The following WDFY1 variants were observed in gnomAD, a reference collection of about 807,000 sequenced individuals.
WDFY1 encodes WD repeat and FYVE domain containing 1.
In WDFY1, 32 loss-of-function variants were observed where a neutral mutation model predicts 56.4. That is an observed-to-expected ratio of 0.57 (90% CI 0.43 to 0.76). The LOEUF (loss-of-function observed/expected upper bound fraction) is 0.76. Among genes scored for constraint, WDFY1 ranks in the 30% least tolerant of loss-of-function variants. The pLI is 0.00. For missense variants in WDFY1, 480 were observed against 545.7 expected (o/e 0.88, Z 1.20); for synonymous variants, 192 against 197.3 (o/e 0.97, Z 0.23).
intron 11 of WDFY1, among the ~76,000 whole-genome samples, chr2:223,879,216 A>C (rs922384540): frequency 8.5e-5 from 13 of 152,246 alleles, no homozygotes; most frequent in South Asian, 2.1e-4. Context: ...AAGATAAAAC[A>C]ATGTAGTTCA....
rs768175349 is a variant in WDFY1 at position 223,945,296 on chromosome 2, G to A, written c.-12C>T. 1.2e-5 allele frequency: 18 copies of A among 1,562,684 alleles called. No homozygotes were observed. Among genetic ancestry groups the A allele is most frequent in the Admixed American group, 1.8e-5 (1 of 55,648 alleles). On this transcript the variant is annotated 5_prime_UTR_variant, in exon 1 of 12. Coordinates refer to ENST00000233055, the MANE Select transcript of WDFY1 (RefSeq NM_020830.5). ...ATTTCGGCCGCCATGTTCGCGCGGC[G>A]ACTGCTGCGGCCTCCTCGGCAGGCA...
chr2:223,905,897 T>G, intron 4 of WDFY1, 50 bp downstream of exon 4: 1 of 1,284,046 alleles, frequency 7.8e-7, no homozygotes, highest in Non-Finnish European at 1.0e-6. Flanking sequence ...GTTCTAGTTT[T>G]GTGTATGTCT....
intron 1 of WDFY1, among the ~76,000 whole-genome samples, chr2:223,926,647 TGTGC>T (rs758262275): frequency 0.014 from 770 of 55,274 alleles, 2 homozygotes; most frequent in South Asian, 0.035. Flanking sequence ...TATACAAATA[TGTGC>T]GTGTGTGTGT....
chr2:223,916,946 C>T (rs1396857478), intron 2 of WDFY1, among the ~76,000 whole-genome samples: 2 of 151,888 alleles, frequency 1.3e-5, no homozygotes, highest in South Asian at 2.1e-4. Context: ...TCTTGAGTAG[C>T]TGGGATTACA....
intron 1 of WDFY1, among the ~76,000 whole-genome samples, chr2:223,939,216 G>A (rs1689256448): frequency 6.6e-6 from 1 of 152,164 alleles, no homozygotes; most frequent in Admixed American, 6.5e-5. Flanking sequence ...AACTCTGGGG[G>A]TGGGGTCCAG....
chr2:223,935,926 G>A (rs900504024), intron 1 of WDFY1, among the ~76,000 whole-genome samples: 12 of 152,156 alleles, frequency 7.9e-5, no homozygotes, highest in Non-Finnish European at 1.5e-4. Flanking sequence ...AGGCACCCAG[G>A]TGGGAAATGT....
chr2:223,911,332 T>C (rs2106088409), intron 3 of WDFY1, among the ~76,000 whole-genome samples: 1 of 152,098 alleles, frequency 6.6e-6, no homozygotes, highest in East Asian at 1.9e-4. Flanking sequence ...GTGGTAATGG[T>C]TGCACAATCT....
intron 1 of WDFY1, among the ~76,000 whole-genome samples, chr2:223,944,768 G>C (rs919108166): frequency 3.3e-5 from 5 of 150,300 alleles, no homozygotes; most frequent in African/African-American, 1.2e-4. Flanking sequence ...AGCAGGAGGG[G>C]CGAGGTGGGC....
In WDFY1 at chr2:223,884,746, G is replaced by A. The variant is rs780836668; in HGVS notation, c.835C>T (p.Pro279Ser). Residue 279 changes from proline to serine, a missense_variant, in exon 9 of 12, where the codon CCT (proline) becomes TCT (serine). Transcript: ENST00000233055. ...CAAGAATCACTTTCCAACCACTGAG[G>A]AGCCTGGGGGAGCAGAAAGTCAAAG... ...WNMDVSREEA[P>S]QWLESDSCQK... 6.2e-7 allele frequency: 1 copy of A among 1,613,978 alleles called. No individual in the cohort carries two copies. The highest frequency in any genetic ancestry group is 8.5e-7 in the Non-Finnish European group (1 of 1,179,942).
chr2:223,917,175 T>C (rs1041949065), intron 2 of WDFY1, among the ~76,000 whole-genome samples: 2 of 152,156 alleles, frequency 1.3e-5, no homozygotes, highest in Non-Finnish European at 2.9e-5. Flanking sequence ...TTATAGAACA[T>C]ACCTGACTGC....
chr2:223,930,721 CTG>C (rs1694059898), intron 1 of WDFY1, among the ~76,000 whole-genome samples: 2 of 152,224 alleles, frequency 1.3e-5, no homozygotes, highest in African/African-American at 2.4e-5. Context: ...TGCTCTCACT[CTG>C]TGTCTTGGAA....
At chr2:223,911,654 G>T (rs1249169600) in intron 3 of WDFY1, among the ~76,000 whole-genome samples, 3 of 151,010 alleles carry the variant, frequency 2.0e-5, no homozygotes, top group Admixed American at 2.0e-4. Flanking sequence ...GCTAAGGGAT[G>T]GGGGCTGCTA....
intron 1 of WDFY1, among the ~76,000 whole-genome samples, chr2:223,920,034 G>A (rs140640249): frequency 3.3e-5 from 5 of 152,338 alleles, no homozygotes; most frequent in East Asian, 1.9e-4. Flanking sequence ...TAAGACCTTC[G>A]TCAGGGACTC....
chr2:223,924,313 T>C (rs932335686), intron 1 of WDFY1, among the ~76,000 whole-genome samples: 4 of 152,110 alleles, frequency 2.6e-5, no homozygotes, highest in African/African-American at 9.7e-5. Context: ...GGTATCTCCA[T>C]ATATGACTAT....
intron 8 of WDFY1, among the ~76,000 whole-genome samples, chr2:223,885,112 C>G (rs942355489): frequency 2.6e-5 from 4 of 151,984 alleles, no homozygotes; most frequent in African/African-American, 9.7e-5. Flanking sequence ...GCAACCATGC[C>G]CGGCCAGTTA....
chr2:223,892,240 C>T (rs1046279456), intron 8 of WDFY1, among the ~76,000 whole-genome samples: 18 of 152,108 alleles, frequency 1.2e-4, no homozygotes, highest in Non-Finnish European at 1.9e-4. Flanking sequence ...CCTCCCAAAG[C>T]GCTGGGATTA....
At chr2:223,903,825 AG>A (rs1214949202) in intron 4 of WDFY1, among the ~76,000 whole-genome samples, 1 of 152,026 alleles carries the variant, frequency 6.6e-6, no homozygotes, top group Non-Finnish European at 1.5e-5. Context: ...ACATTTTTAT[AG>A]CAGTATGGTC....
rs574417614 is a variant in WDFY1, at chr2:223,923,944, A to G, written c.138-5934T>C. On this transcript the variant is annotated intron_variant, in intron 1 of 11. Transcript: ENST00000233055. ...GACAATTTTACACCCACATAAACTC[A>G]TCTTATGTTTTTCCTGCTGCTTATT... 1.7e-3 allele frequency among the ~76,000 whole-genome samples: 261 copies of G among 152,210 alleles called. 2 individuals are homozygous for G. The highest frequency in any genetic ancestry group is 6.0e-3 in the African/African-American group (248 of 41,540).
intron 6 of WDFY1, among the ~76,000 whole-genome samples, chr2:223,898,728 AACGT>A (rs1693443773): frequency 6.6e-6 from 1 of 152,128 alleles, no homozygotes; most frequent in African/African-American, 2.4e-5. Context: ...AAAGGTAAGC[AACGT>A]AGAAAGTATT....
Sources: gnomAD v4.1 joint callset for allele counts (sites outside exome capture counted in the v4.1 genomes callset) on GRCh38, gnomAD v4.1.1 for gene constraint, MANE v1.5 for transcripts, NCBI Gene and HGNC (gene_info 2026-07-23, HGNC 2026-07-21) for gene names.